The following CELF4 variants were observed in gnomAD, a reference collection of about 807,000 sequenced individuals.
CELF4 encodes the protein CUG-BP- and ETR-3-like factor 4.
In CELF4, 18 loss-of-function variants were observed where a neutral mutation model predicts 59.9. The observed-to-expected ratio is 0.30, with a 90% CI of 0.21 to 0.45. The LOEUF (loss-of-function observed/expected upper bound fraction) is 0.45, where lower values mean the gene tolerates loss of function less well. CELF4 is among the 20% of genes least tolerant of loss of function. The pLI, the probability that CELF4 is intolerant of heterozygous loss-of-function variation, is 1.00. For missense variants in CELF4, 456 were observed against 689.0 expected, an observed-to-expected ratio of 0.66 and a Z score of 3.79; for synonymous variants, 261 against 267.1, an observed-to-expected ratio of 0.98 and a Z score of 0.22.
Position 37,275,200 on chromosome 18 carries a change from G to C in CELF4, c.492C>G (p.Ser164=), listed in dbSNP as rs1234920524. ...LFVGMLNKQQ[S]EDDVRRLFEA... Reference sequence around the variant, plus strand: ...CGAAAAGGCGGCGCACGTCGTCCTCGGACTGTTGCTTGTTGAGCATGCCCA... The same window carrying C: ...CGAAAAGGCGGCGCACGTCGTCCTCCGACTGTTGCTTGTTGAGCATGCCCA... The change falls in exon 4 of 13, where the codon TCC becomes TCG. Residue 164 remains serine, a synonymous_variant. Coordinates refer to ENST00000420428, the MANE Select transcript of CELF4 (RefSeq NM_020180.4). 1 of 1,613,628 alleles carries C rather than the reference G, an allele frequency of 6.2e-7. No homozygotes were observed. Among genetic ancestry groups the C allele is most frequent in the South Asian group, 1.1e-5 (1 of 91,070 alleles).
intron 2 of CELF4, among the ~76,000 whole-genome samples, chr18:37,364,221 C>A (rs1312981757): frequency 1.3e-5 from 2 of 152,348 alleles, no homozygotes; most frequent in African/African-American, 2.4e-5. Flanking sequence ...CTCCTTCCCT[C>A]CTTCCTGCAC....
chr18:37,277,258 G>A (rs112794710), intron 3 of CELF4, among the ~76,000 whole-genome samples: 12 of 152,328 alleles, frequency 7.9e-5, no homozygotes, highest in South Asian at 2.1e-4. Flanking sequence ...CCAGCTGTTC[G>A]TCAAAAAACA....
intron 2 of CELF4, among the ~76,000 whole-genome samples, chr18:37,456,388 G>T (rs1450825315): frequency 6.6e-6 from 1 of 152,130 alleles, no homozygotes; most frequent in Non-Finnish European, 1.5e-5. Context: ...GACTCTGCCT[G>T]CCCTATATGG....
intron 2 of CELF4, among the ~76,000 whole-genome samples, chr18:37,474,919 C>G (rs893022734): frequency 6.6e-6 from 1 of 152,334 alleles, no homozygotes; most frequent in South Asian, 2.1e-4. Context: ...ACTTTGCCCA[C>G]GCATGCAGCA....
intron 2 of CELF4, among the ~76,000 whole-genome samples, chr18:37,452,991 C>G (rs1254121317): frequency 6.6e-6 from 1 of 151,706 alleles, no homozygotes; most frequent in East Asian, 1.9e-4. Flanking sequence ...TGTTGCCTGG[C>G]TTTGCCAGCC....
chr18:37,565,513 C>G lies in CELF4; in HGVS notation c.129G>C (p.Pro43=). ...CGTGGTCCTTCATGGGAATGGTCGA[C>G]GGGTTCCCCGGGCTGTGGCTTAATC... ...MNGLSHSPGN[P]STIPMKDHDA... Residue 43 remains proline, a synonymous_variant, in exon 1 of 13, where the codon CCG becomes CCC. Coordinates refer to ENST00000420428, the MANE Select transcript of CELF4 (RefSeq NM_020180.4). 6.2e-7 allele frequency: 1 copy of G among 1,614,166 alleles called. No individual in the cohort carries two copies. Among genetic ancestry groups the G allele is most frequent in the African/African-American group, 1.3e-5 (1 of 75,044 alleles).
chr18:37,485,691 C>A, intron 1 of CELF4, 84 bp from the exon 2 acceptor site: 1 of 795,628 alleles, frequency 1.3e-6, no homozygotes, highest in East Asian at 3.4e-5. Context: ...CCTCCAGGCT[C>A]CCGCCCCTCC....
At chr18:37,426,670 C>T (rs956805105) in intron 2 of CELF4, among the ~76,000 whole-genome samples, 2 of 149,286 alleles carry the variant, frequency 1.3e-5, no homozygotes, top group Non-Finnish European at 3.0e-5. Flanking sequence ...GGGTGCGGTG[C>T]GGGAGGGCTG....
intron 2 of CELF4, among the ~76,000 whole-genome samples, chr18:37,370,717 T>C (rs2098849344): frequency 6.6e-6 from 1 of 152,178 alleles, no homozygotes; most frequent in African/African-American, 2.4e-5. Flanking sequence ...AGGACCACCC[T>C]GGAGTGACCC....
intron 2 of CELF4, among the ~76,000 whole-genome samples, chr18:37,464,152 A>G (rs1341069777): frequency 6.6e-6 from 1 of 152,234 alleles, no homozygotes; most frequent in Non-Finnish European, 1.5e-5. Flanking sequence ...GCGGTGCATA[A>G]TTAGTTTCAT....
intron 2 of CELF4, among the ~76,000 whole-genome samples, chr18:37,444,382 A>G (rs2099741863): frequency 6.6e-6 from 1 of 151,982 alleles, no homozygotes; most frequent in Admixed American, 6.5e-5. Flanking sequence ...GGACGCTTTG[A>G]CGAACTCCCT....
At chr18:37,308,317 A>G (rs1010646293) in intron 3 of CELF4, among the ~76,000 whole-genome samples, 2 of 152,110 alleles carry the variant, frequency 1.3e-5, no homozygotes, top group African/African-American at 4.8e-5. Flanking sequence ...TCTCTGGCCA[A>G]CTGGTTTCCT....
intron 2 of CELF4, among the ~76,000 whole-genome samples, chr18:37,441,684 G>A (rs2099723720): frequency 6.6e-6 from 1 of 152,130 alleles, no homozygotes; most frequent in African/African-American, 2.4e-5. Flanking sequence ...TTTGGGGAAG[G>A]TGCATATTAA....
intron 1 of CELF4, among the ~76,000 whole-genome samples, chr18:37,531,672 G>A (rs968809421): frequency 6.6e-6 from 1 of 152,194 alleles, no homozygotes; most frequent in Non-Finnish European, 1.5e-5. Flanking sequence ...TGTCTTTGGA[G>A]GTGAGAAGTT....
intron 3 of CELF4, among the ~76,000 whole-genome samples, chr18:37,320,206 T>G (rs543941982): frequency 6.6e-6 from 1 of 151,986 alleles, no homozygotes; most frequent in Non-Finnish European, 1.5e-5. Flanking sequence ...TGTGGCGGCA[T>G]GCGCCTGTAG....
intron 2 of CELF4, among the ~76,000 whole-genome samples, chr18:37,356,243 C>T (rs1380115407): frequency 6.6e-6 from 1 of 152,200 alleles, no homozygotes; most frequent in Non-Finnish European, 1.5e-5. Context: ...TAGTATGTGG[C>T]ACTCATCCGC....
At chr18:37,272,329 C>T (rs2091640522) in intron 7 of CELF4, among the ~76,000 whole-genome samples, 1 of 152,198 alleles carries the variant, frequency 6.6e-6, no homozygotes, top group Non-Finnish European at 1.5e-5. Context: ...GCAATCCCCA[C>T]TCCCAGTTGT....
chr18:37,564,992 G>A (rs1002856686), intron 1 of CELF4, among the ~76,000 whole-genome samples: 18 of 151,888 alleles, frequency 1.2e-4, no homozygotes, highest in Non-Finnish European at 2.2e-4. Flanking sequence ...GAGCCCGCGA[G>A]TCCGTCCGCT....
chr18:37,516,804 A>C (rs1004990606), intron 1 of CELF4, among the ~76,000 whole-genome samples: 1 of 152,176 alleles, frequency 6.6e-6, no homozygotes, highest in Non-Finnish European at 1.5e-5. Flanking sequence ...CACAGCTGGC[A>C]TGGGGCGCTG....
Sources: gnomAD v4.1 joint callset for allele counts (sites outside exome capture counted in the v4.1 genomes callset) on GRCh38, gnomAD v4.1.1 for gene constraint, MANE v1.5 for transcripts, NCBI Gene and HGNC (gene_info 2026-07-23, HGNC 2026-07-21) for gene names.